The following KLHL14 variants were observed in gnomAD, a reference collection of about 807,000 sequenced individuals.
KLHL14 encodes kelch-like protein 14.
A neutral mutation model predicts 64.3 loss-of-function variants in KLHL14; 22 were observed. The ratio of observed to expected loss-of-function variants is 0.34; its 90% CI spans 0.24 to 0.49. The LOEUF is 0.49. KLHL14 is among the 20% of genes least tolerant of loss of function. The probability of loss-of-function intolerance (pLI) is 0.99; values close to 1 mark genes in which losing one functional copy is unlikely to be tolerated. For missense variants in KLHL14, 661 were observed against 789.0 expected, an observed-to-expected ratio of 0.84 and a Z score of 1.94; for synonymous variants, 322 against 333.4, an observed-to-expected ratio of 0.97 and a Z score of 0.37.
At chr18:32,758,241 G>A (rs2050293250) in intron 2 of KLHL14, among the ~76,000 whole-genome samples, 1 of 151,976 alleles carries the variant, frequency 6.6e-6, no homozygotes, top group African/African-American at 2.4e-5. Context: ...TCCTGCCTCA[G>A]CCTCTGAGTA....
intron 3 of KLHL14, among the ~76,000 whole-genome samples, chr18:32,726,883 A>G (rs1205402026): frequency 6.6e-6 from 1 of 152,152 alleles, no homozygotes; most frequent in Admixed American, 6.5e-5. Flanking sequence ...ACCCACTTTC[A>G]GCAGAATAAA....
intron 4 of KLHL14, among the ~76,000 whole-genome samples, chr18:32,688,085 T>C (rs1030160504): frequency 6.6e-6 from 1 of 152,236 alleles, no homozygotes; most frequent in East Asian, 1.9e-4. Context: ...TTATTTTATA[T>C]ACATGTTAAC....
chr18:32,764,618 T>C (rs758287584), intron 2 of KLHL14, among the ~76,000 whole-genome samples: 60 of 152,192 alleles, frequency 3.9e-4, no homozygotes, highest in Admixed American at 6.5e-4. Flanking sequence ...AGAGTGTCTT[T>C]TATGTTTGTA....
chr18:32,734,202 G>A (rs569253689), intron 3 of KLHL14: 1 of 702,890 alleles, frequency 1.4e-6, no homozygotes, highest in South Asian at 1.5e-5. Flanking sequence ...ACTCTGGTGA[G>A]CTTGCACTTT....
At chr18:32,745,759 A>G (rs2050221023) in intron 2 of KLHL14, among the ~76,000 whole-genome samples, 1 of 152,236 alleles carries the variant, frequency 6.6e-6, no homozygotes, top group South Asian at 2.1e-4. Flanking sequence ...AGTGACAATG[A>G]CAATAACGAC....
rs79985052 is a variant in KLHL14, at chr18:32,749,471, T to C, written c.948-7422A>G. 1.8e-3 allele frequency among the ~76,000 whole-genome samples: 269 copies of C among 152,274 alleles called. 2 individuals are homozygous for C. The highest frequency in any genetic ancestry group is 6.3e-3 in the African/African-American group (260 of 41,536). ...AGAATGTTGTAAGGGTTAAATAAAG[T>C]CATTTAGGTGTAATAGCAAAATAAA... On this transcript the variant is annotated intron_variant, in intron 2 of 8. Transcript: ENST00000359358.
chr18:32,753,255 A>ACTT (rs2050265554), intron 2 of KLHL14, among the ~76,000 whole-genome samples: 1 of 152,314 alleles, frequency 6.6e-6, no homozygotes, highest in Non-Finnish European at 1.5e-5. Context: ...AGAAATCAGG[A>ACTT]CTTTAATATC....
At chr18:32,722,142 T>G (rs546255746) in intron 3 of KLHL14, among the ~76,000 whole-genome samples, 44 of 152,326 alleles carry the variant, frequency 2.9e-4, no homozygotes, top group African/African-American at 9.9e-4. Flanking sequence ...TCTACCATGT[T>G]GTTAGGCCTC....
chr18:32,750,518 C>A (rs906656699), intron 2 of KLHL14, among the ~76,000 whole-genome samples: 1 of 152,076 alleles, frequency 6.6e-6, no homozygotes, highest in Non-Finnish European at 1.5e-5. Context: ...ATTGCATAAG[C>A]AAGTTTAACA....
At chr18:32,752,235 C>T (rs1419289581) in intron 2 of KLHL14, among the ~76,000 whole-genome samples, 3 of 152,144 alleles carry the variant, frequency 2.0e-5, no homozygotes. Context: ...ATCCCACTAT[C>T]TAGGAGGATG....
intron 5 of KLHL14, among the ~76,000 whole-genome samples, chr18:32,681,325 T>C (rs2049837589): frequency 6.6e-6 from 1 of 152,094 alleles, no homozygotes. Flanking sequence ...GAGAGACCAA[T>C]CCTAAAATAT....
chr18:32,746,692 C>T (rs774336736), intron 2 of KLHL14, among the ~76,000 whole-genome samples: 10 of 152,164 alleles, frequency 6.6e-5, no homozygotes, highest in Non-Finnish European at 1.3e-4. Context: ...CACATTTAGG[C>T]AAAATTCATT....
At chr18:32,690,788 C>G (rs146969304) in intron 4 of KLHL14, among the ~76,000 whole-genome samples, 112 of 152,102 alleles carry the variant, frequency 7.4e-4, no homozygotes, top group Non-Finnish European at 1.2e-3. Context: ...GTTGAAGGAA[C>G]CATTCAGAGG....
chr18:32,707,237 C>T (rs935404877), intron 3 of KLHL14, among the ~76,000 whole-genome samples: 18 of 152,210 alleles, frequency 1.2e-4, no homozygotes, highest in Non-Finnish European at 1.5e-5. Context: ...AGCAGGAAGC[C>T]AGGTCTTGGA....
intron 3 of KLHL14, among the ~76,000 whole-genome samples, chr18:32,739,472 G>C (rs1229477420): frequency 6.6e-6 from 1 of 151,672 alleles, no homozygotes; most frequent in African/African-American, 2.4e-5. Flanking sequence ...CCTTTACTTG[G>C]GGCCATATAG....
chr18:32,759,330 T>A (rs953751869), intron 2 of KLHL14, among the ~76,000 whole-genome samples: 1 of 152,180 alleles, frequency 6.6e-6, no homozygotes, highest in Admixed American at 6.5e-5. Flanking sequence ...ATACTCACGT[T>A]GTGGAAATCC....
rs148415492 is a variant in KLHL14, at chr18:32,694,161, T to A, written c.1159+1302A>T. On this transcript the variant is annotated intron_variant, in intron 4 of 8. Coordinates refer to ENST00000359358, the MANE Select transcript of KLHL14 (RefSeq NM_020805.3). ...CCTGCAAAGTGCAGTAGGCTGAAGA[T>A]GTTCCTGTTTTCTCTTGTCATGTTT... Among the ~76,000 whole-genome samples, 453 of 152,318 alleles carry A rather than the reference T, an allele frequency of 3.0e-3. 4 individuals carry two copies. Among genetic ancestry groups the A allele is most frequent in the African/African-American group, 0.011 (442 of 41,582 alleles).
intron 7 of KLHL14, 149 bp from the exon 8 acceptor site, chr18:32,677,479 G>A: frequency 1.3e-6 from 1 of 742,394 alleles, no homozygotes; most frequent in Non-Finnish European, 2.1e-6. Flanking sequence ...GAGATTGGGA[G>A]AAATGTCAGA....
intron 3 of KLHL14, among the ~76,000 whole-genome samples, chr18:32,739,854 A>G (rs140486176): frequency 1.7e-3 from 262 of 152,214 alleles, no homozygotes; most frequent in African/African-American, 5.9e-3. Flanking sequence ...CTGCATGGAG[A>G]GCTTGCATTG....
Sources: gnomAD v4.1 joint callset for allele counts (sites outside exome capture counted in the v4.1 genomes callset) on GRCh38, gnomAD v4.1.1 for gene constraint, MANE v1.5 for transcripts, NCBI Gene and HGNC (gene_info 2026-07-23, HGNC 2026-07-21) for gene names.